LRP1B: variants seen among roughly 807,000 people sequenced by gnomAD.
LRP1B encodes low-density lipoprotein receptor-related protein 1B.
In LRP1B, 217 loss-of-function variants were observed where a neutral mutation model predicts 556.6. The observed-to-expected ratio is 0.39, with a 90% CI of 0.35 to 0.44. The LOEUF is 0.44. LRP1B is among the 20% of genes least tolerant of loss of function. The pLI is 1.00. For missense variants in LRP1B, 5,053 were observed against 5,620.8 expected (o/e 0.90, Z 3.23); for synonymous variants, 2,047 against 1,865.8 (o/e 1.10, Z -2.50).
intron 2 of LRP1B, among the ~76,000 whole-genome samples, chr2:141,697,798 T>C (rs1192204537): frequency 6.6e-6 from 1 of 151,908 alleles, no homozygotes; most frequent in Non-Finnish European, 1.5e-5. Flanking sequence ...TGGCTACAAA[T>C]AGCATTCAAA....
chr2:141,444,605 G>A (rs12691608), intron 3 of LRP1B, among the ~76,000 whole-genome samples: 72,469 of 151,938 alleles, frequency 0.48, 17,534 homozygotes, highest in East Asian at 0.69. Context: ...TGTTCCATCA[G>A]TGCTTAGTTT....
At chr2:141,191,900 G>C (rs1411985247) in intron 6 of LRP1B, among the ~76,000 whole-genome samples, 1 of 151,784 alleles carries the variant, frequency 6.6e-6, no homozygotes, top group Non-Finnish European at 1.5e-5. Flanking sequence ...CCCTCAAGCT[G>C]GGCATGCAGT....
chr2:141,034,820 G>C (rs79652407), intron 11 of LRP1B, among the ~76,000 whole-genome samples: 55,640 of 141,266 alleles, frequency 0.39, 11,376 homozygotes, highest in East Asian at 0.58. Context: ...GGATCTAGAA[G>C]TAGAAACACC....
chr2:140,773,036 T>C (rs1689370361), intron 33 of LRP1B, among the ~76,000 whole-genome samples: 1 of 152,122 alleles, frequency 6.6e-6, no homozygotes, highest in South Asian at 2.1e-4. Flanking sequence ...AGACAGAGGC[T>C]GCAGAGATTA....
rs186787562 is a variant in LRP1B, at chr2:140,902,005, C to T, written c.3766+915G>A. 4.6e-5 allele frequency among the ~76,000 whole-genome samples: 7 copies of T among 152,162 alleles called. No homozygotes were observed. In the East Asian group the frequency reaches 9.7e-4, roughly 21 times the overall value. On this transcript the variant is annotated intron_variant, in intron 23 of 90. Transcript: ENST00000389484. ...TGATATTTTGAGATATGTGCGGCAA[C>T]TATAATGTGATATGAATATATCTAT... is the stretch of plus-strand genomic sequence containing the variant.
intron 6 of LRP1B, among the ~76,000 whole-genome samples, chr2:141,207,834 C>T (rs1256104661): frequency 1.3e-5 from 2 of 152,080 alleles, no homozygotes; most frequent in East Asian, 3.9e-4. Flanking sequence ...CGCCACCACG[C>T]CTGGCTTATT....
intron 2 of LRP1B, among the ~76,000 whole-genome samples, chr2:141,588,301 C>T (rs1687213402): frequency 6.6e-6 from 1 of 151,380 alleles, no homozygotes; most frequent in Non-Finnish European, 1.5e-5. Context: ...TTGAAGGCTC[C>T]TCTTCATTTT....
intron 7 of LRP1B, among the ~76,000 whole-genome samples, chr2:141,172,142 A>G (rs1274495053): frequency 1.3e-5 from 2 of 152,124 alleles, no homozygotes; most frequent in Admixed American, 6.6e-5. Context: ...GCTCAATGAA[A>G]TAACTTTTAT....
intron 41 of LRP1B, among the ~76,000 whole-genome samples, chr2:140,607,864 T>C (rs1331912796): frequency 6.6e-6 from 1 of 152,068 alleles, no homozygotes; most frequent in Admixed American, 6.6e-5. Flanking sequence ...ATTTTCCTTT[T>C]TCTAACCATT....
intron 3 of LRP1B, among the ~76,000 whole-genome samples, chr2:141,450,400 A>G (rs1342911614): frequency 6.6e-6 from 1 of 152,150 alleles, no homozygotes; most frequent in Admixed American, 6.5e-5. Context: ...ATTTGTGAGC[A>G]TGAGATTATA....
intron 11 of LRP1B, among the ~76,000 whole-genome samples, chr2:141,045,676 A>C (rs1332689112): frequency 6.6e-6 from 1 of 152,082 alleles, no homozygotes; most frequent in Non-Finnish European, 1.5e-5. Context: ...CTGCTGTTGG[A>C]TATATGCTAA....
chr2:142,073,585 C>CCTGT (rs973381475), intron 1 of LRP1B, among the ~76,000 whole-genome samples: 6 of 151,858 alleles, frequency 4.0e-5, no homozygotes, highest in African/African-American at 1.5e-4. Context: ...CATCTCTGAC[C>CCTGT]ACAGCAGTCT....
chr2:140,918,247 T>A, intron 21 of LRP1B, among the ~76,000 whole-genome samples: 1 of 151,668 alleles, frequency 6.6e-6, no homozygotes, highest in East Asian at 1.9e-4. Context: ...AATTGCCAAT[T>A]ATTTGAAATA....
intron 7 of LRP1B, among the ~76,000 whole-genome samples, chr2:141,145,857 T>C (rs1028143471): frequency 6.6e-6 from 1 of 151,694 alleles, no homozygotes; most frequent in Non-Finnish European, 1.5e-5. Flanking sequence ...GGTTCTATGA[T>C]ATTCAAAATA....
intron 87 of LRP1B, among the ~76,000 whole-genome samples, chr2:140,241,599 G>GC (rs1278015895): frequency 6.6e-6 from 1 of 150,512 alleles, no homozygotes; most frequent in Non-Finnish European, 1.5e-5. Context: ...ATATATTACA[G>GC]CATTTTGTGT....
intron 1 of LRP1B, among the ~76,000 whole-genome samples, chr2:142,107,842 C>A (rs1344055083): frequency 1.5e-5 from 2 of 133,712 alleles, no homozygotes; most frequent in Admixed American, 8.0e-5. Context: ...GACAGGGTTT[C>A]ACCGTGTTGG....
intron 2 of LRP1B, among the ~76,000 whole-genome samples, chr2:141,539,305 T>C (rs1685171987): frequency 6.6e-6 from 1 of 152,162 alleles, no homozygotes; most frequent in African/African-American, 2.4e-5. Flanking sequence ...CAGCTCTTCC[T>C]CTGGTCATTT....
At chr2:140,540,279 T>A (rs1384428898) in intron 45 of LRP1B, among the ~76,000 whole-genome samples, 1 of 152,160 alleles carries the variant, frequency 6.6e-6, no homozygotes, top group Non-Finnish European at 1.5e-5. Context: ...ATTTCTCTCC[T>A]ACCTTATACA....
intron 3 of LRP1B, among the ~76,000 whole-genome samples, chr2:141,295,191 T>C (rs1390071437): frequency 4.6e-5 from 7 of 152,214 alleles, no homozygotes; most frequent in Admixed American, 2.6e-4. Context: ...TGATGCACTT[T>C]ACCAAGAATC....
Sources: allele counts gnomAD v4.1 joint callset (sites outside exome capture counted in the v4.1 genomes callset), GRCh38; gene constraint gnomAD v4.1.1; transcripts MANE v1.5; gene names NCBI Gene and HGNC (gene_info 2026-07-23, HGNC 2026-07-21).